The following TRHDE variants were observed in gnomAD, a reference collection of about 807,000 sequenced individuals.
TRHDE encodes thyrotropin releasing hormone degrading enzyme.
Under a neutral mutation model 125.7 loss-of-function variants are expected in TRHDE, and 72 were observed. The observed-to-expected ratio is 0.57, with a 90% CI of 0.47 to 0.70. TRHDE has a LOEUF of 0.70. Ranked by LOEUF, TRHDE falls within the 30% of genes least tolerant of loss-of-function variation. TRHDE has a pLI of 0.00. For missense variants in TRHDE, 1,110 were observed against 1,327.1 expected (o/e 0.84, Z 2.54); for synonymous variants, 509 against 509.1 (o/e 1.00, Z 0.00).
At chr12:72,127,874 T>C (rs1436287603) in intron 2 of TRHDE, among the ~76,000 whole-genome samples, 2 of 152,034 alleles carry the variant, frequency 1.3e-5, no homozygotes, top group East Asian at 3.9e-4. Flanking sequence ...TATATATATA[T>C]GTGTGTGTAT....
chr12:72,088,913 A>G (rs989437730), intron 1 of TRHDE, among the ~76,000 whole-genome samples: 3 of 152,000 alleles, frequency 2.0e-5, no homozygotes, highest in African/African-American at 7.2e-5. Context: ...TATCTCTAAT[A>G]TAGACCTTTC....
At chr12:72,244,746 T>G (rs1428231899) in intron 2 of TRHDE, among the ~76,000 whole-genome samples, 2 of 152,024 alleles carry the variant, frequency 1.3e-5, no homozygotes, top group Non-Finnish European at 2.9e-5. Flanking sequence ...AATCAAATTC[T>G]TTGGTGATGG....
intron 10 of TRHDE, among the ~76,000 whole-genome samples, chr12:72,575,037 TAAGAA>T (rs1294271231): frequency 6.6e-6 from 1 of 152,138 alleles, no homozygotes; most frequent in Non-Finnish European, 1.5e-5. Flanking sequence ...ATGCTAATTA[TAAGAA>T]AACAATTAAT....
chr12:72,246,554 C>A (rs934887086), intron 2 of TRHDE, among the ~76,000 whole-genome samples: 33 of 152,146 alleles, frequency 2.2e-4, no homozygotes, highest in African/African-American at 7.7e-4. Context: ...ATAGAGAGGT[C>A]TTCCTCGGGC....
intron 12 of TRHDE, among the ~76,000 whole-genome samples, chr12:72,614,476 TAA>T (rs1872746307): frequency 1.3e-5 from 2 of 151,642 alleles, no homozygotes; most frequent in Admixed American, 6.6e-5. Context: ...AAAGAGCATA[TAA>T]AGTCTTTTAA....
chr12:72,494,586 C>G (rs1478795666), intron 5 of TRHDE, among the ~76,000 whole-genome samples: 1 of 151,968 alleles, frequency 6.6e-6, no homozygotes, highest in Non-Finnish European at 1.5e-5. Context: ...TGCCAACATC[C>G]TTACTCTTAT....
At chr12:72,400,084 G>C (rs1872974139) in intron 3 of TRHDE, among the ~76,000 whole-genome samples, 1 of 151,900 alleles carries the variant, frequency 6.6e-6, no homozygotes, top group Non-Finnish European at 1.5e-5. Context: ...TTGACAACTG[G>C]GTGTCAAGCC....
In TRHDE at chr12:72,436,833, A is replaced by G. The variant is rs1188032144; in HGVS notation, c.1316-32925A>G. Among the ~76,000 whole-genome samples, 3 of 152,032 alleles carry G rather than the reference A, an allele frequency of 2.0e-5. No individual in the cohort carries two copies. In the East Asian group the frequency reaches 5.8e-4, roughly 29 times the overall value. ...AAATACAGTATGAACTCCTTTCTTA[A>G]GTGTCATAATTGAACAATCTTATGA... On this transcript the variant is annotated intron_variant, in intron 3 of 18. Coordinates refer to ENST00000261180, the MANE Select transcript of TRHDE (RefSeq NM_013381.3).
At chr12:72,167,274 G>A (rs564646336) in intron 2 of TRHDE, among the ~76,000 whole-genome samples, 104 of 152,224 alleles carry the variant, frequency 6.8e-4, no homozygotes, top group East Asian at 5.6e-3. Flanking sequence ...TTCTTCCACC[G>A]TAGTTGATAT....
intron 3 of TRHDE, among the ~76,000 whole-genome samples, chr12:72,468,114 C>T (rs1475933487): frequency 6.6e-6 from 1 of 152,118 alleles, no homozygotes; most frequent in African/African-American, 2.4e-5. Flanking sequence ...TAATGTTTAT[C>T]ATTGTTATAT....
chr12:72,659,816 TAAAACA>T (rs1298556432), intron 18 of TRHDE, among the ~76,000 whole-genome samples: 1 of 152,080 alleles, frequency 6.6e-6, no homozygotes, highest in Non-Finnish European at 1.5e-5. Context: ...AAACACAATT[TAAAACA>T]AAAACAAAAA....
intron 2 of TRHDE, among the ~76,000 whole-genome samples, chr12:72,152,451 A>G (rs1234733732): frequency 6.6e-5 from 10 of 152,016 alleles, no homozygotes; most frequent in East Asian, 3.8e-4. Flanking sequence ...GGAGTGGTGA[A>G]AGAGGGCATC....
intron 3 of TRHDE, among the ~76,000 whole-genome samples, chr12:72,407,715 G>A (rs1369323225): frequency 6.6e-6 from 1 of 152,206 alleles, no homozygotes; most frequent in Non-Finnish European, 1.5e-5. Flanking sequence ...TGTCAAATGA[G>A]TTAAACTTGA....
upstream of TRHDE, among the ~76,000 whole-genome samples, chr12:72,267,725 T>C (rs1879100100): frequency 1.3e-5 from 2 of 152,054 alleles, no homozygotes; most frequent in South Asian, 4.1e-4. Flanking sequence ...CAGGTTTTTA[T>C]GAGGTAAAAA....
Position 72,632,291 on chromosome 12 carries a change from A to C in TRHDE, c.2675+10540A>C, listed in dbSNP as rs191269015. The stretch of plus-strand genomic sequence containing the variant: ...ATTTTTGTTTCTATAGTTAGGCTTT[A>C]TATGATAGCAGGTACTTAGATTTAC... On this transcript the variant is annotated intron_variant, in intron 15 of 18. Transcript: ENST00000261180. Among the ~76,000 whole-genome samples the C allele has an allele frequency of 3.4e-3, 522 of 152,108 alleles. 3 individuals carry two copies. Among genetic ancestry groups the C allele is most frequent in the African/African-American group, 0.012 (512 of 41,536 alleles).
chr12:72,341,196 C>T (rs1357858336), intron 2 of TRHDE, among the ~76,000 whole-genome samples: 1 of 150,996 alleles, frequency 6.6e-6, no homozygotes, highest in Non-Finnish European at 1.5e-5. Context: ...AGATCTGATA[C>T]ATAGGTATAC....
chr12:72,195,497 A>G (rs946314499), intron 2 of TRHDE, among the ~76,000 whole-genome samples: 1 of 151,708 alleles, frequency 6.6e-6, no homozygotes, highest in Non-Finnish European at 1.5e-5. Flanking sequence ...TTCTCTGATG[A>G]TTAGTGATGT....
intron 2 of TRHDE, among the ~76,000 whole-genome samples, chr12:72,350,206 T>C (rs1260934326): frequency 6.6e-6 from 1 of 152,028 alleles, no homozygotes; most frequent in Non-Finnish European, 1.5e-5. Flanking sequence ...CTTTATGATG[T>C]ATTCAATCTT....
chr12:72,476,695 C>G (rs1876910618), intron 5 of TRHDE, among the ~76,000 whole-genome samples: 1 of 152,126 alleles, frequency 6.6e-6, no homozygotes, highest in South Asian at 2.1e-4. Flanking sequence ...GGCTCAAACA[C>G]TGAAAAACAA....
Sources: gnomAD v4.1 joint callset for allele counts (sites outside exome capture counted in the v4.1 genomes callset) on GRCh38, gnomAD v4.1.1 for gene constraint, MANE v1.5 for transcripts, NCBI Gene and HGNC (gene_info 2026-07-23, HGNC 2026-07-21) for gene names.